TMEM132D: variants seen among roughly 807,000 people sequenced by gnomAD.
The protein encoded by TMEM132D is mature OL transmembrane protein.
A neutral mutation model predicts 62.3 loss-of-function variants in TMEM132D; 21 were observed. The observed-to-expected ratio is 0.34, with a 90% CI of 0.24 to 0.49. TMEM132D has a LOEUF of 0.49. TMEM132D is among the 20% of genes least tolerant of loss of function. The probability of loss-of-function intolerance (pLI) is 0.99; values close to 1 mark genes in which losing one functional copy is unlikely to be tolerated. For missense variants in TMEM132D, 1,346 were observed against 1,402.8 expected, an observed-to-expected ratio of 0.96 and a Z score of 0.65; for synonymous variants, 621 against 575.6, an observed-to-expected ratio of 1.08 and a Z score of -1.13.
At chr12:129,706,835 C>T (rs1221413253) in intron 1 of TMEM132D, among the ~76,000 whole-genome samples, 1 of 151,790 alleles carries the variant, frequency 6.6e-6, no homozygotes, top group Non-Finnish European at 1.5e-5. Flanking sequence ...AACCCAACTA[C>T]TTAACAGTTC....
intron 1 of TMEM132D, among the ~76,000 whole-genome samples, chr12:129,828,153 G>A (rs1231089353): frequency 2.0e-5 from 3 of 152,056 alleles, no homozygotes; most frequent in African/African-American, 7.2e-5. Flanking sequence ...AGGGGGCCTG[G>A]GACAGAGAAT....
chr12:129,135,519 A>G (rs779089024), intron 5 of TMEM132D, among the ~76,000 whole-genome samples: 2 of 152,224 alleles, frequency 1.3e-5, no homozygotes, highest in Non-Finnish European at 2.9e-5. Context: ...GGTGATGCAT[A>G]AGTGCATAAG....
At chr12:129,733,293 G>A (rs1417492426) in intron 1 of TMEM132D, among the ~76,000 whole-genome samples, 1 of 152,174 alleles carries the variant, frequency 6.6e-6, no homozygotes, top group African/African-American at 2.4e-5. Flanking sequence ...CCCTTAGCCT[G>A]TAGGGTCAGT....
chr12:129,314,029 T>C (rs1020333696), intron 4 of TMEM132D, among the ~76,000 whole-genome samples: 6 of 152,244 alleles, frequency 3.9e-5, no homozygotes, highest in African/African-American at 1.4e-4. Flanking sequence ...TGTCTATTCA[T>C]GTCCTTAGCC....
At chr12:129,618,576 A>G (rs2137157486) in intron 2 of TMEM132D, among the ~76,000 whole-genome samples, 1 of 152,336 alleles carries the variant, frequency 6.6e-6, no homozygotes, top group South Asian at 2.1e-4. Context: ...ACCTTCAAAA[A>G]CCAGAAGAGA....
intron 1 of TMEM132D, among the ~76,000 whole-genome samples, chr12:129,844,945 T>C (rs1179208832): frequency 6.6e-6 from 1 of 152,202 alleles, no homozygotes; most frequent in Non-Finnish European, 1.5e-5. Context: ...GTGATGATTA[T>C]GCTCTATAAT....
intron 5 of TMEM132D, among the ~76,000 whole-genome samples, chr12:129,188,705 T>C (rs1878287261): frequency 7.3e-6 from 1 of 137,040 alleles, no homozygotes; most frequent in African/African-American, 2.8e-5. Context: ...GATAGATAGA[T>C]AGATAATAGA....
At chr12:129,644,201 C>T (rs1879710025) in intron 2 of TMEM132D, among the ~76,000 whole-genome samples, 1 of 152,160 alleles carries the variant, frequency 6.6e-6, no homozygotes, top group Non-Finnish European at 1.5e-5. Flanking sequence ...TGTGCCCCAA[C>T]CACCTTGGGC....
intron 4 of TMEM132D, among the ~76,000 whole-genome samples, chr12:129,238,416 T>C (rs4759808): frequency 0.78 from 118,510 of 152,114 alleles, 46,247 homozygotes; most frequent in Admixed American, 0.8. Flanking sequence ...CATCGTTGTG[T>C]AACCTATCTT....
At chr12:129,607,344 T>G (rs1164497355) in intron 2 of TMEM132D, among the ~76,000 whole-genome samples, 1 of 152,194 alleles carries the variant, frequency 6.6e-6, no homozygotes, top group Non-Finnish European at 1.5e-5. Flanking sequence ...TGCGATCGCA[T>G]GCACAGAGTA....
Position 129,074,194 on chromosome 12 carries a change from C to A in TMEM132D, c.2981G>T (p.Gly994Val), listed in dbSNP as rs372179663. ...QDEQITAIDR[G>V]MDFEESKYLL... is the part of the protein sequence containing the mutation. ...ATATTTACTTTCCTCGAAATCCATG[C>A]CCCTGTCAATGGCAGTGATTTGCTC... The change falls in exon 9 of 9, where the codon GGC becomes GTC. Residue 994 changes from glycine to valine, a missense_variant. Gly to Val is a moderately radical substitution (Grantham distance 109, BLOSUM62 -3). Coordinates refer to ENST00000422113, the MANE Select transcript of TMEM132D (RefSeq NM_133448.3). 6.2e-7 allele frequency: 1 copy of A among 1,613,982 alleles called. No individual in the cohort carries two copies.
chr12:129,311,135 T>C (rs1434924159), intron 4 of TMEM132D, among the ~76,000 whole-genome samples: 1 of 111,368 alleles, frequency 9.0e-6, no homozygotes, highest in African/African-American at 3.7e-5. Context: ...GAGGCGGAGC[T>C]TGCAGTGAGC....
At chr12:129,564,614 G>A (rs1877319230) in intron 2 of TMEM132D, among the ~76,000 whole-genome samples, 1 of 152,178 alleles carries the variant, frequency 6.6e-6, no homozygotes, top group African/African-American at 2.4e-5. Context: ...AAGCCATGTG[G>A]ATTGGCTGGA....
intron 2 of TMEM132D, among the ~76,000 whole-genome samples, chr12:129,676,545 G>A (rs1177276249): frequency 6.6e-6 from 1 of 152,168 alleles, no homozygotes; most frequent in Non-Finnish European, 1.5e-5. Context: ...GGAGGGGGAA[G>A]GGAGCCAGTG....
At chr12:129,825,115 G>C (rs1426206612) in intron 1 of TMEM132D, among the ~76,000 whole-genome samples, 1 of 150,920 alleles carries the variant, frequency 6.6e-6, no homozygotes, top group Non-Finnish European at 1.5e-5. Context: ...CCCGGTTCAA[G>C]CTATTCTCCC....
chr12:129,268,129 G>T (rs1030674320), intron 4 of TMEM132D, among the ~76,000 whole-genome samples: 6 of 152,172 alleles, frequency 3.9e-5, no homozygotes, highest in Non-Finnish European at 8.8e-5. Flanking sequence ...CATGGGCAAG[G>T]ACTTCAAGTC....
intron 2 of TMEM132D, among the ~76,000 whole-genome samples, chr12:129,635,263 C>A (rs562330512): frequency 1.3e-5 from 2 of 152,218 alleles, no homozygotes; most frequent in African/African-American, 4.8e-5. Context: ...TCATTTCCAT[C>A]CCTCTTTCTT....
rs550024156 is a variant in TMEM132D at position 129,684,013 on chromosome 12, A to G, written c.968+15797T>C. Among the ~76,000 whole-genome samples, 139 of 152,340 alleles carry G rather than the reference A, an allele frequency of 9.1e-4. 3 individuals carry two copies. Among genetic ancestry groups the G allele is most frequent in the African/African-American group, 3.3e-3 (137 of 41,580 alleles). On this transcript the variant is annotated intron_variant, in intron 2 of 8. Coordinates refer to ENST00000422113, the MANE Select transcript of TMEM132D (RefSeq NM_133448.3). ...ATAAATGAAAAGTCAACTCAAGGTTACAAAGTGCGAACGTCAATGACTGGA... is the reference window on the plus strand; with the variant it reads ...ATAAATGAAAAGTCAACTCAAGGTTGCAAAGTGCGAACGTCAATGACTGGA...
chr12:129,874,557 TTTTG>T (rs1257006418), intron 1 of TMEM132D, among the ~76,000 whole-genome samples: 4 of 150,984 alleles, frequency 2.6e-5, no homozygotes, highest in Non-Finnish European at 5.9e-5. Flanking sequence ...ATATACATAA[TTTTG>T]TTTGTCAATT....
Sources: allele counts gnomAD v4.1 joint callset (sites outside exome capture counted in the v4.1 genomes callset), GRCh38; gene constraint gnomAD v4.1.1; transcripts MANE v1.5; gene names NCBI Gene and HGNC (gene_info 2026-07-23, HGNC 2026-07-21).